The following MYRIP variants were observed in gnomAD, a reference collection of about 807,000 sequenced individuals.
MYRIP encodes the protein rab effector MyRIP.
Under a neutral mutation model 98.0 loss-of-function variants are expected in MYRIP, and 49 were observed. The observed-to-expected ratio is 0.50, with a 90% CI of 0.40 to 0.63. The LOEUF is 0.63. Among genes scored for constraint, MYRIP ranks in the 30% least tolerant of loss-of-function variants. The pLI, the probability that MYRIP is intolerant of heterozygous loss-of-function variation, is 0.00. For synonymous variants in MYRIP, 404 were observed against 409.5 expected (o/e 0.99, Z 0.16); for missense variants, 1,004 against 1,058.2 (o/e 0.95, Z 0.71).
intron 3 of MYRIP, among the ~76,000 whole-genome samples, chr3:40,054,196 A>G (rs1173650677): frequency 6.6e-6 from 1 of 152,178 alleles, no homozygotes; most frequent in Admixed American, 6.5e-5. Flanking sequence ...CATGAATTAA[A>G]TCTTTAAGTT....
At chr3:39,973,235 A>T (rs566506260) in intron 2 of MYRIP, among the ~76,000 whole-genome samples, 80 of 152,296 alleles carry the variant, frequency 5.3e-4, no homozygotes, top group Admixed American at 1.4e-3. Context: ...AAACAAAAAA[A>T]GACAGGGGCT....
chr3:40,026,696 C>G (rs1282776415), intron 2 of MYRIP, among the ~76,000 whole-genome samples: 2 of 152,178 alleles, frequency 1.3e-5, no homozygotes, highest in African/African-American at 4.8e-5. Flanking sequence ...GTTCAGTCTG[C>G]AACAGTCTGG....
intron 1 of MYRIP, among the ~76,000 whole-genome samples, chr3:39,862,376 C>T (rs75092900): frequency 0.01 from 1,532 of 152,212 alleles, 27 homozygotes; most frequent in African/African-American, 0.035. Flanking sequence ...CCAGCCACTA[C>T]GAAAACATGC....
chr3:39,821,507 G>C (rs1378280755), intron 1 of MYRIP, among the ~76,000 whole-genome samples: 1 of 146,476 alleles, frequency 6.8e-6, no homozygotes, highest in African/African-American at 2.7e-5. Context: ...CTATTTCTTT[G>C]GGTTTTTTTT....
chr3:40,255,682 T>A (rs1471830323), intron 16 of MYRIP, among the ~76,000 whole-genome samples: 3 of 152,188 alleles, frequency 2.0e-5, no homozygotes, highest in African/African-American at 7.2e-5. Context: ...CTTTCTTGAT[T>A]GATTTGGCAG....
chr3:40,126,705 GT>G (rs772148781), intron 3 of MYRIP, among the ~76,000 whole-genome samples: 6 of 152,118 alleles, frequency 3.9e-5, no homozygotes, highest in Admixed American at 6.5e-5. Flanking sequence ...TTTTTGTTTT[GT>G]TTTTTGCAAA....
intron 2 of MYRIP, among the ~76,000 whole-genome samples, chr3:40,025,334 C>A (rs527286574): frequency 6.6e-6 from 1 of 152,180 alleles, no homozygotes; most frequent in South Asian, 2.1e-4. Context: ...TCTGTGGTAT[C>A]AAGGGCTCTG....
At chr3:40,143,269 C>T (rs1439197027) in intron 3 of MYRIP, among the ~76,000 whole-genome samples, 3 of 152,194 alleles carry the variant, frequency 2.0e-5, no homozygotes, top group Non-Finnish European at 4.4e-5. Context: ...TCCACCCTGT[C>T]CTCTATTTCA....
At chr3:39,966,650 C>T (rs138001284) in intron 2 of MYRIP, among the ~76,000 whole-genome samples, 342 of 152,238 alleles carry the variant, frequency 2.2e-3, no homozygotes, top group Admixed American at 3.7e-3. Flanking sequence ...GGGTAGGGAA[C>T]GGAGAGATTA....
intron 3 of MYRIP, among the ~76,000 whole-genome samples, chr3:40,081,893 A>T (rs796889123): frequency 1.7e-4 from 26 of 152,288 alleles, no homozygotes; most frequent in African/African-American, 5.5e-4. Context: ...CTACTGTTTT[A>T]TATTCCACGT....
intron 1 of MYRIP, among the ~76,000 whole-genome samples, chr3:39,819,118 G>T (rs551704619): frequency 1.3e-5 from 2 of 152,200 alleles, no homozygotes; most frequent in African/African-American, 4.8e-5. Context: ...GGAGGCCGAG[G>T]TGTGTGGATC....
chr3:39,982,572 C>T (rs1945920230), intron 2 of MYRIP, among the ~76,000 whole-genome samples: 3 of 152,074 alleles, frequency 2.0e-5, no homozygotes, highest in Non-Finnish European at 2.9e-5. Context: ...GCCTGCCAAG[C>T]CTCTTGGGAA....
chr3:39,852,475 G>T (rs1397793376), intron 1 of MYRIP, among the ~76,000 whole-genome samples: 1 of 152,092 alleles, frequency 6.6e-6, no homozygotes, highest in Non-Finnish European at 1.5e-5. Context: ...TGAGATTTTG[G>T]TGCAACTGTC....
chr3:40,108,983 T>A (rs781653849), intron 3 of MYRIP, among the ~76,000 whole-genome samples: 1 of 152,192 alleles, frequency 6.6e-6, no homozygotes, highest in Non-Finnish European at 1.5e-5. Context: ...AGGTACCAGA[T>A]AGAGACAATC....
intron 2 of MYRIP, among the ~76,000 whole-genome samples, chr3:39,924,414 C>G (rs574747925): frequency 6.6e-6 from 1 of 151,840 alleles, no homozygotes; most frequent in Non-Finnish European, 1.5e-5. Context: ...ATAAACAGGT[C>G]GATCAACGAA....
rs1263137242 is a variant in MYRIP, at chr3:40,244,509, G to A, written c.2164G>A (p.Ala722Thr). 32 of 1,613,752 alleles carry A rather than the reference G, an allele frequency of 2.0e-5. No individual in the cohort carries two copies. The highest frequency in any genetic ancestry group is 2.3e-5 in the Non-Finnish European group (27 of 1,179,882). The stretch of plus-strand genomic sequence containing the variant: ...CCAGCTGACTGAGCTAGAAGATGCC[G>A]CCCGCTGCATCCACAGTGGCACTGA... ...ETQLTELEDAARCIHSGTDET... is the reference protein window; with the variant it reads ...ETQLTELEDATRCIHSGTDET... The change falls in exon 13 of 17, where the codon GCC becomes ACC. Residue 722 changes from alanine to threonine, a missense_variant. This residue lies in a region of MYRIP where 880 missense variants were observed against 907.7 expected (regional missense o/e 0.97). Coordinates refer to ENST00000302541, the MANE Select transcript of MYRIP (RefSeq NM_015460.4).
chr3:40,119,835 G>A (rs527727276), intron 3 of MYRIP, among the ~76,000 whole-genome samples: 111 of 152,096 alleles, frequency 7.3e-4, no homozygotes, highest in South Asian at 1.9e-3. Context: ...GTTAATGGGT[G>A]CAGCACACCA....
chr3:39,983,738 A>T (rs1398753351), intron 2 of MYRIP, among the ~76,000 whole-genome samples: 5 of 152,216 alleles, frequency 3.3e-5, no homozygotes, highest in Non-Finnish European at 7.3e-5. Context: ...CAGGAAGGGA[A>T]TAAATAGAGC....
At chr3:40,175,665 G>C (rs1398881161) in intron 8 of MYRIP, among the ~76,000 whole-genome samples, 1 of 152,256 alleles carries the variant, frequency 6.6e-6, no homozygotes, top group Non-Finnish European at 1.5e-5. Flanking sequence ...GACAGGGTCA[G>C]CTTTCTCAAA....
Sources: gnomAD v4.1 joint callset for allele counts (sites outside exome capture counted in the v4.1 genomes callset) on GRCh38, gnomAD v4.1.1 for gene constraint, gnomAD v4.1.1 regional missense constraint, MANE v1.5 for transcripts, NCBI Gene and HGNC (gene_info 2026-07-23, HGNC 2026-07-21) for gene names.